HIBCH: variants seen among roughly 807,000 people sequenced by gnomAD.
HIBCH encodes the protein 3-hydroxyisobutyryl-CoA hydrolase, mitochondrial.
In HIBCH, 50 loss-of-function variants were observed where a neutral mutation model predicts 58.2. The ratio of observed to expected loss-of-function variants is 0.86; its 90% confidence interval spans 0.68 to 1.09. The LOEUF is 1.09. Ranked by LOEUF, HIBCH falls within the 50% of genes least tolerant of loss-of-function variation. HIBCH has a pLI of 0.00. For synonymous variants in HIBCH, 151 were observed against 146.9 expected (o/e 1.03, Z -0.20); for missense variants, 450 against 449.7 (o/e 1.00, Z -0.01).
In HIBCH at chr2:190,210,833, CCTTA is replaced by C. The variant is rs1422841298; in HGVS notation, c.1012-1924_1012-1921del. 2.0e-5 allele frequency among the ~76,000 whole-genome samples: 3 copies of C among 152,184 alleles called. No individual in the cohort carries two copies. The highest frequency in any genetic ancestry group is 6.5e-5 in the Admixed American group (1 of 15,282). On this transcript the variant is annotated intron_variant, in intron 12 of 13. Transcript: ENST00000359678. The surrounding 1 kb of genome is among the most constrained non-coding windows in gnomAD (Gnocchi z 5.5). ...TCTAGATAATGGCATGGGCTCACTTCCTTACTTCTTTCAGGAATTCACTCAAAGA... is the reference window on the plus strand; with the variant it reads ...TCTAGATAATGGCATGGGCTCACTTCCTTCTTTCAGGAATTCACTCAAAGA...
At chr2:190,318,625 A>C (rs1429971700) in intron 1 of HIBCH, among the ~76,000 whole-genome samples, 1 of 152,174 alleles carries the variant, frequency 6.6e-6, no homozygotes, top group Non-Finnish European at 1.5e-5. Context: ...AGCCAAGCTG[A>C]ATTGTGGAAA....
At chr2:190,310,210 G>A (rs1159761300) in intron 2 of HIBCH, among the ~76,000 whole-genome samples, 4 of 152,302 alleles carry the variant, frequency 2.6e-5, no homozygotes, top group East Asian at 3.9e-4. Context: ...ACTGGAGGCT[G>A]CACTGTCAGC....
intron 1 of HIBCH, among the ~76,000 whole-genome samples, chr2:190,190,547 C>T (rs567841378): frequency 2.4e-4 from 36 of 152,200 alleles, no homozygotes; most frequent in Non-Finnish European, 5.1e-4. Context: ...CCTGTGTTTC[C>T]ATTTGTCTTA....
At chr2:190,244,539 A>C (rs1364781615) in intron 11 of HIBCH, among the ~76,000 whole-genome samples, 3 of 152,200 alleles carry the variant, frequency 2.0e-5, no homozygotes, top group African/African-American at 7.2e-5. Flanking sequence ...TAAGGTGACT[A>C]ATCTCCAGTG....
chr2:190,269,893 TA>T (rs966151954), intron 6 of HIBCH, among the ~76,000 whole-genome samples: 28 of 151,722 alleles, frequency 1.8e-4, no homozygotes, highest in Admixed American at 4.6e-4. Flanking sequence ...TATGCAGCCA[TA>T]AAAAAAACAA....
chr2:190,213,361 A>G (rs985692134), intron 11 of HIBCH: 9 of 389,282 alleles, frequency 2.3e-5, no homozygotes, highest in Non-Finnish European at 3.4e-5. Context: ...GCAAACAGCA[A>G]TTACACTTAA....
intron 11 of HIBCH, among the ~76,000 whole-genome samples, chr2:190,240,437 A>T (rs960463142): frequency 1.3e-5 from 2 of 152,058 alleles, no homozygotes; most frequent in Admixed American, 1.3e-4. Flanking sequence ...CTTTTCAAAA[A>T]CCAGCTCCTG....
intron 6 of HIBCH, among the ~76,000 whole-genome samples, chr2:190,261,952 C>T (rs1248911139): frequency 6.6e-6 from 1 of 152,044 alleles, no homozygotes; most frequent in East Asian, 1.9e-4. Flanking sequence ...CCAAGGGCAG[C>T]CAATGGAGAC....
intron 7 of HIBCH, among the ~76,000 whole-genome samples, chr2:190,257,842 G>A (rs1686973006): frequency 6.6e-6 from 1 of 152,092 alleles, no homozygotes; most frequent in Non-Finnish European, 1.5e-5. Flanking sequence ...GCAAAAACTG[G>A]AAGAGCCCCC....
At chr2:190,247,401 C>A (rs534406368) in intron 9 of HIBCH, among the ~76,000 whole-genome samples, 2 of 152,246 alleles carry the variant, frequency 1.3e-5, no homozygotes, top group East Asian at 3.9e-4. Flanking sequence ...CTATCAAATG[C>A]TCTGATAAAA....
chr2:190,196,536 TC>T (rs397873701), intron 1 of HIBCH, among the ~76,000 whole-genome samples: 3 of 151,438 alleles, frequency 2.0e-5, no homozygotes, highest in East Asian at 1.9e-4. Context: ...TTTTTTTTTT[TC>T]CCTTGATTAT....
At chr2:190,310,979 T>G (rs1343716063) in intron 1 of HIBCH, 183 bp from the exon 2 acceptor site, 2 of 699,830 alleles carry the variant, frequency 2.9e-6, no homozygotes, top group Admixed American at 4.0e-5. Flanking sequence ...ACTTTGCACA[T>G]GAATTTTATG....
chr2:190,269,776 T>A (rs1227900752), intron 6 of HIBCH, among the ~76,000 whole-genome samples: 1 of 152,180 alleles, frequency 6.6e-6, no homozygotes, highest in Non-Finnish European at 1.5e-5. Context: ...TGCACACATA[T>A]GTTTACTGCA....
chr2:190,213,152 G>A (rs1690553975), intron 11 of HIBCH, 77 bp from the exon 12 acceptor site: 1 of 1,164,594 alleles, frequency 8.6e-7, no homozygotes, highest in Non-Finnish European at 1.3e-6. Flanking sequence ...GAGTGTCTAT[G>A]TAAATAATAT....
At chr2:190,208,613 A>G (rs6736427) in intron 13 of HIBCH, 5,945 of 521,246 alleles carry the variant, frequency 0.011, 304 homozygotes, top group African/African-American at 0.11. Flanking sequence ...TAAAACAACT[A>G]TAGGTTGAGT....
At chr2:190,238,420 T>C (rs1686347946) in intron 11 of HIBCH, among the ~76,000 whole-genome samples, 1 of 152,160 alleles carries the variant, frequency 6.6e-6, no homozygotes, top group Non-Finnish European at 1.5e-5. Flanking sequence ...TCTCTAATGA[T>C]CAATGACAAT....
chr2:190,249,597 C>T (rs775366273), intron 9 of HIBCH, 43 bp downstream of exon 9: 47 of 1,126,056 alleles, frequency 4.2e-5, no homozygotes, highest in Middle Eastern at 2.0e-4. Flanking sequence ...CACTTCCCCT[C>T]CCCATGAATT....
chr2:190,246,048 G>T, intron 10 of HIBCH, 106 bp downstream of exon 10: 1 of 692,740 alleles, frequency 1.4e-6, no homozygotes, highest in Non-Finnish European at 2.6e-6. Flanking sequence ...AGAATTCAGT[G>T]CACTATCAAA....
At chr2:190,274,439 A>G (rs1687493006) in intron 6 of HIBCH, among the ~76,000 whole-genome samples, 1 of 152,218 alleles carries the variant, frequency 6.6e-6, no homozygotes, top group South Asian at 2.1e-4. Flanking sequence ...ACTGCAATAA[A>G]GTCATTTGGG....
Sources: allele counts gnomAD v4.1 joint callset (sites outside exome capture counted in the v4.1 genomes callset), GRCh38; gene constraint gnomAD v4.1.1; non-coding constraint Gnocchi (gnomAD v3.1); transcripts MANE v1.5; gene names NCBI Gene and HGNC (gene_info 2026-07-23, HGNC 2026-07-21).